Variants in ANKRD44 observed in about 807,000 individuals in gnomAD.
The protein encoded by ANKRD44 is serine/threonine-protein phosphatase 6 regulatory ankyrin repeat subunit B.
ANKRD44 carries 35 observed loss-of-function variants against 116.0 expected under a neutral mutation model. That is an observed-to-expected ratio of 0.30 (90% CI 0.23 to 0.40). The LOEUF (loss-of-function observed/expected upper bound fraction) is 0.40. Among genes scored for constraint, ANKRD44 ranks in the 10% least tolerant of loss-of-function variants. The probability of loss-of-function intolerance (pLI) is 1.00; values close to 1 mark genes in which losing one functional copy is unlikely to be tolerated. For synonymous variants in ANKRD44, 435 were observed against 461.8 expected, an observed-to-expected ratio of 0.94 and a Z score of 0.74; for missense variants, 1,014 against 1,242.6, an observed-to-expected ratio of 0.82 and a Z score of 2.77.
At chr2:197,035,814 A>C (rs1559009042) in intron 16 of ANKRD44, among the ~76,000 whole-genome samples, 1 of 151,860 alleles carries the variant, frequency 6.6e-6, no homozygotes, top group Non-Finnish European at 1.5e-5. Flanking sequence ...CTGAGTCTGC[A>C]GAAGTTCCAG....
At chr2:197,077,040 T>G (rs1328441543) in intron 16 of ANKRD44, among the ~76,000 whole-genome samples, 1 of 152,222 alleles carries the variant, frequency 6.6e-6, no homozygotes, top group Non-Finnish European at 1.5e-5. Context: ...GATTGCTGGG[T>G]TGAATGATAG....
At chr2:197,069,890 CCTT>C (rs960136646) in intron 16 of ANKRD44, among the ~76,000 whole-genome samples, 1 of 147,508 alleles carries the variant, frequency 6.8e-6, no homozygotes, top group African/African-American at 2.4e-5. Context: ...GAATGTCTCT[CCTT>C]TTTTTTTTTT....
intron 3 of ANKRD44, among the ~76,000 whole-genome samples, chr2:197,143,425 C>T (rs2079420188): frequency 6.9e-6 from 1 of 144,438 alleles, no homozygotes; most frequent in Non-Finnish European, 1.5e-5. Flanking sequence ...TGTTCAATTC[C>T]CACCTATGAG....
Position 197,081,627 on chromosome 2 carries a change from A to G in ANKRD44, c.1538+18T>C. 1.2e-6 allele frequency: 2 copies of G among 1,609,668 alleles called. No individual in the cohort carries two copies. Among genetic ancestry groups the G allele is most frequent in the Non-Finnish European group, 1.7e-6 (2 of 1,176,500 alleles). On this transcript the variant is annotated intron_variant, in intron 15 of 27. Coordinates refer to ENST00000282272, the MANE Select transcript of ANKRD44 (RefSeq NM_001195144.2). ...CGTCAGAAATGGCACCTTGTTCTTA[A>G]GCTGAGAAGAAACTTACAGTGTGGC...
chr2:197,019,762 T>C (rs2076460714), intron 17 of ANKRD44, among the ~76,000 whole-genome samples: 1 of 152,060 alleles, frequency 6.6e-6, no homozygotes, highest in South Asian at 2.1e-4. Context: ...GTTTGAGTCA[T>C]GAACAGCTCA....
At chr2:197,133,772 A>C (rs2079146452) in intron 4 of ANKRD44, among the ~76,000 whole-genome samples, 1 of 152,056 alleles carries the variant, frequency 6.6e-6, no homozygotes, top group African/African-American at 2.4e-5. Flanking sequence ...ATTAGTTAGG[A>C]GAGGCATAAA....
chr2:197,113,579 G>A (rs573552977), intron 8 of ANKRD44, among the ~76,000 whole-genome samples: 5 of 152,286 alleles, frequency 3.3e-5, no homozygotes, highest in African/African-American at 1.2e-4. Context: ...GCCTTACCAA[G>A]GAGTAACCAC....
At chr2:197,290,050 G>T (rs2105870515) in intron 1 of ANKRD44, among the ~76,000 whole-genome samples, 1 of 152,002 alleles carries the variant, frequency 6.6e-6, no homozygotes, top group East Asian at 1.9e-4. Context: ...AGGAGAGACG[G>T]GGTTTCACTA....
intron 27 of ANKRD44, 55 bp downstream of exon 27, chr2:196,993,528 G>A (rs1307526358): frequency 2.2e-6 from 3 of 1,380,224 alleles, no homozygotes; most frequent in Admixed American, 4.0e-5. Context: ...ATTTCCTCTG[G>A]CTTCAACTAG....
At chr2:197,178,717 T>C (rs2080429680) in intron 2 of ANKRD44, among the ~76,000 whole-genome samples, 2 of 152,198 alleles carry the variant, frequency 1.3e-5, no homozygotes, top group Non-Finnish European at 2.9e-5. Flanking sequence ...GCTTAGAAAG[T>C]CCTTCCCCAT....
intron 1 of ANKRD44, among the ~76,000 whole-genome samples, chr2:197,260,518 T>C (rs954426568): frequency 1.6e-4 from 24 of 152,148 alleles, no homozygotes; most frequent in African/African-American, 4.6e-4. Flanking sequence ...GTCTTTGCTA[T>C]TGTGAATAGT....
At chr2:197,091,966 AAGACAC>A (rs2078053124) in intron 10 of ANKRD44, among the ~76,000 whole-genome samples, 1 of 152,144 alleles carries the variant, frequency 6.6e-6, no homozygotes, top group African/African-American at 2.4e-5. Flanking sequence ...GACCCCCACT[AAGACAC>A]AGTCACCAGG....
At chr2:197,109,624 G>C (rs764306728) in intron 9 of ANKRD44, among the ~76,000 whole-genome samples, 1 of 152,124 alleles carries the variant, frequency 6.6e-6, no homozygotes, top group Admixed American at 6.5e-5. Context: ...TATGTGGTCC[G>C]AAATTCTTAT....
At chr2:196,979,569 T>A (rs993705460) in intron 21 of ANKRD44, among the ~76,000 whole-genome samples, 3 of 142,466 alleles carry the variant, frequency 2.1e-5, no homozygotes, top group Non-Finnish European at 3.0e-5. Context: ...TTTTTTTTTT[T>A]TTTTTTTTTT....
chr2:197,031,419 G>C (rs912078952), intron 16 of ANKRD44, among the ~76,000 whole-genome samples: 3 of 152,200 alleles, frequency 2.0e-5, no homozygotes, highest in African/African-American at 7.2e-5. Flanking sequence ...TGATAGCACA[G>C]TAGAGCCCCA....
intron 14 of ANKRD44, among the ~76,000 whole-genome samples, chr2:197,082,950 G>C (rs1201097568): frequency 3.3e-5 from 5 of 152,166 alleles, no homozygotes; most frequent in African/African-American, 1.2e-4. Context: ...TAGTTTACAT[G>C]TACTAATGCT....
intron 17 of ANKRD44, among the ~76,000 whole-genome samples, chr2:197,021,210 G>T (rs527692265): frequency 6.6e-6 from 1 of 152,258 alleles, no homozygotes; most frequent in African/African-American, 2.4e-5. Flanking sequence ...ATGGACATTT[G>T]GGTTGGTTCC....
intron 16 of ANKRD44, among the ~76,000 whole-genome samples, chr2:197,058,066 T>C (rs1400812473): frequency 6.6e-6 from 1 of 152,166 alleles, no homozygotes; most frequent in South Asian, 2.1e-4. Context: ...GGATCTATTT[T>C]ATAGTAAGCA....
At chr2:197,053,181 A>G (rs2077142534) in intron 16 of ANKRD44, among the ~76,000 whole-genome samples, 1 of 152,082 alleles carries the variant, frequency 6.6e-6, no homozygotes, top group Admixed American at 6.6e-5. Flanking sequence ...AAAAAACAAA[A>G]CAAAAAAAGA....
Sources: allele counts gnomAD v4.1 joint callset (sites outside exome capture counted in the v4.1 genomes callset), GRCh38; gene constraint gnomAD v4.1.1; transcripts MANE v1.5; gene names NCBI Gene and HGNC (gene_info 2026-07-23, HGNC 2026-07-21).